The following NEBL variants were observed in gnomAD, a reference collection of about 807,000 sequenced individuals.
NEBL encodes the protein LIM and SH3 protein 2.
In NEBL, 122 loss-of-function variants were observed where a neutral mutation model predicts 140.2. The ratio of observed to expected loss-of-function variants is 0.87; its 90% CI spans 0.75 to 1.01. NEBL has a LOEUF of 1.01. Among genes scored for constraint, NEBL ranks in the 50% least tolerant of loss-of-function variants. The pLI is 0.00. For synonymous variants in NEBL, 436 were observed against 398.9 expected (o/e 1.09, Z -1.11); for missense variants, 1,365 against 1,231.3 (o/e 1.11, Z -1.62).
At chr10:20,858,433 G>A in intron 8 of NEBL, 89 bp from the exon 9 acceptor site, 2 of 1,109,402 alleles carry the variant, frequency 1.8e-6, no homozygotes, top group Middle Eastern at 2.8e-4. Flanking sequence ...TCATAAAGTA[G>A]GACTATTTAG....
chr10:21,227,702 TTCTTCTTCTTTCTTC>T (rs1207531961), intron 3 of NEBL, among the ~76,000 whole-genome samples: 136 of 68,236 alleles, frequency 2.0e-3, no homozygotes, highest in Middle Eastern at 7.2e-3. Context: ...CTTCTTCTTC[TTCTTCTTCTTTCTTC>T]TTCTTCTTCT....
At chr10:20,811,694 A>C (rs1420500311) in intron 24 of NEBL, among the ~76,000 whole-genome samples, 1 of 152,214 alleles carries the variant, frequency 6.6e-6, no homozygotes, top group Non-Finnish European at 1.5e-5. Context: ...AATTTAGCTT[A>C]TCTCTAAATG....
At chr10:20,785,972 CCA>C in intron 27 of NEBL, 49 bp from the exon 28 acceptor site, 5 of 1,561,098 alleles carry the variant, frequency 3.2e-6, no homozygotes, top group Middle Eastern at 1.7e-4. Context: ...ATAGCTACAG[CCA>C]CAAATTCCAA....
intron 2 of NEBL, among the ~76,000 whole-genome samples, chr10:21,136,455 A>T (rs1161527956): frequency 6.6e-6 from 1 of 152,008 alleles, no homozygotes; most frequent in African/African-American, 2.4e-5. Context: ...CAGCCTCCCA[A>T]AGGGCTGAGA....
At chr10:20,875,039 T>A (rs1845351469) in intron 5 of NEBL, among the ~76,000 whole-genome samples, 1 of 152,212 alleles carries the variant, frequency 6.6e-6, no homozygotes, top group Admixed American at 6.5e-5. Context: ...GCACCCAGCC[T>A]CACATTTTTC....
chr10:21,205,621 A>C (rs1358164375), intron 3 of NEBL, among the ~76,000 whole-genome samples: 1 of 152,198 alleles, frequency 6.6e-6, no homozygotes, highest in Non-Finnish European at 1.5e-5. Context: ...AAGAATATAT[A>C]CCAATATATT....
At chr10:21,141,002 A>G (rs112205494) in intron 2 of NEBL, among the ~76,000 whole-genome samples, 2,083 of 151,552 alleles carry the variant, frequency 0.014, 45 homozygotes, top group African/African-American at 0.048. Flanking sequence ...TCAATAACGG[A>G]AACCCTGAAT....
chr10:20,878,186 C>T (rs1167044372), intron 5 of NEBL, among the ~76,000 whole-genome samples: 1 of 152,164 alleles, frequency 6.6e-6, no homozygotes, highest in Non-Finnish European at 1.5e-5. Flanking sequence ...CACATGAGCC[C>T]TCTCCCTCAT....
intron 3 of NEBL, among the ~76,000 whole-genome samples, chr10:21,188,552 CAT>C (rs1841515778): frequency 6.7e-6 from 1 of 149,478 alleles, no homozygotes; most frequent in Non-Finnish European, 1.5e-5. Flanking sequence ...AAAATGTGAA[CAT>C]GCAAAAATGA....
chr10:20,826,556 G>C lies in NEBL; in HGVS notation c.1777-17C>G. Reference sequence around the variant, plus strand: ...ATAAAATACCTTTATTATAAGAAAAGGAAAAGAATAACTAAGCTTGTCAGA... The same window carrying C: ...ATAAAATACCTTTATTATAAGAAAACGAAAAGAATAACTAAGCTTGTCAGA... On this transcript the variant is annotated splice_polypyrimidine_tract_variant and intron_variant, in intron 17 of 27. Coordinates refer to ENST00000377122, the MANE Select transcript of NEBL (RefSeq NM_006393.3). 2 of 1,567,036 alleles carry C rather than the reference G, an allele frequency of 1.3e-6. No homozygotes were observed. Among genetic ancestry groups the C allele is most frequent in the Non-Finnish European group, 1.8e-6 (2 of 1,139,200 alleles).
intron 2 of NEBL, among the ~76,000 whole-genome samples, chr10:21,066,510 C>T (rs2131892043): frequency 6.6e-6 from 1 of 152,262 alleles, no homozygotes; most frequent in Non-Finnish European, 1.5e-5. Flanking sequence ...ATGATACACA[C>T]CTTCTTTAAA....
intron 4 of NEBL, among the ~76,000 whole-genome samples, chr10:20,931,985 C>G (rs190103681): frequency 6.6e-6 from 1 of 152,214 alleles, no homozygotes; most frequent in Non-Finnish European, 1.5e-5. Flanking sequence ...TCTAAGCTAA[C>G]TGGCCACACC....
chr10:20,946,653 G>A (rs748717771), intron 4 of NEBL, among the ~76,000 whole-genome samples: 28 of 152,098 alleles, frequency 1.8e-4, no homozygotes, highest in Non-Finnish European at 3.5e-4. Context: ...GTAGAGACGA[G>A]GTTTCACCAC....
intron 1 of NEBL, among the ~76,000 whole-genome samples, chr10:21,255,759 A>T (rs574732941): frequency 6.6e-6 from 1 of 152,060 alleles, no homozygotes; most frequent in Non-Finnish European, 1.5e-5. Context: ...ACACTTTGGG[A>T]GGCCAAGGTG....
At position 21,087,941 on chromosome 10, in the gene NEBL, C is replaced by A. The variant is rs563774026; in HGVS notation, c.165-67740G>T. 3.9e-5 allele frequency among the ~76,000 whole-genome samples: 6 copies of A among 152,170 alleles called. No individual in the cohort carries two copies. In the South Asian group the frequency reaches 1.2e-3, roughly 31 times the overall value. On this transcript the variant is annotated intron_variant, in intron 2 of 6. Transcript: ENST00000417816. ...AAATCGATTTCTGCCCTGAATCTGACGATTTGCAATACCGAAAATGCCACC... is the reference window on the plus strand; with the variant it reads ...AAATCGATTTCTGCCCTGAATCTGAAGATTTGCAATACCGAAAATGCCACC...
chr10:20,785,522 C>G lies in NEBL; in HGVS notation c.*225G>C, dbSNP rs886330390. The stretch of plus-strand genomic sequence containing the variant: ...AAACCATGAACACAATTAGCAGCAC[C>G]AGGTGTCCAGACACAAAGATTTTTG... On this transcript the variant is annotated 3_prime_UTR_variant, in exon 28 of 28. Coordinates refer to ENST00000377122, the MANE Select transcript of NEBL (RefSeq NM_006393.3). The G allele has an allele frequency of 1.7e-5, 10 of 575,238 alleles. No individual in the cohort carries two copies. Among genetic ancestry groups the G allele is most frequent in the Non-Finnish European group, 2.8e-5 (9 of 323,930 alleles). 35.6% of individuals were successfully genotyped at this position (575,238 alleles called of 1,614,324 possible). A position where few individuals can be genotyped will look rare whatever the true frequency, so the allele number is the denominator to read the frequency against.
chr10:20,854,136 T>C (rs967260592), intron 9 of NEBL, among the ~76,000 whole-genome samples: 3 of 152,298 alleles, frequency 2.0e-5, no homozygotes, highest in African/African-American at 7.2e-5. Flanking sequence ...CCTTTAGTAG[T>C]AAATGGTAGC....
intron 4 of NEBL, among the ~76,000 whole-genome samples, chr10:20,949,825 T>C (rs535812924): frequency 3.8e-4 from 58 of 152,276 alleles, no homozygotes; most frequent in African/African-American, 1.3e-3. Flanking sequence ...TTTTTTGTGG[T>C]ATTTTCTGGA....
intron 4 of NEBL, among the ~76,000 whole-genome samples, chr10:20,882,748 A>AAG (rs1309179000): frequency 3.3e-5 from 5 of 152,288 alleles, no homozygotes; most frequent in African/African-American, 1.2e-4. Flanking sequence ...CAAAAAAAAA[A>AAG]AAATGTCATC....
Sources: allele counts gnomAD v4.1 joint callset (sites outside exome capture counted in the v4.1 genomes callset), GRCh38; gene constraint gnomAD v4.1.1; transcripts MANE v1.5; gene names NCBI Gene and HGNC (gene_info 2026-07-23, HGNC 2026-07-21).